The following ARL15 variants were observed in gnomAD, a reference collection of about 807,000 sequenced individuals.
The protein encoded by ARL15 is ARF like GTPase 15.
A neutral mutation model predicts 25.2 loss-of-function variants in ARL15; 19 were observed. The ratio of observed to expected loss-of-function variants is 0.75; its 90% confidence interval spans 0.53 to 1.10. The LOEUF (loss-of-function observed/expected upper bound fraction) is 1.10. Among genes scored for constraint, ARL15 ranks in the 50% least tolerant of loss-of-function variants. ARL15 has a pLI of 0.00. For synonymous variants in ARL15, 94 were observed against 86.8 expected (o/e 1.08, Z -0.46); for missense variants, 220 against 246.0 (o/e 0.89, Z 0.71).
intron 3 of ARL15, among the ~76,000 whole-genome samples, chr5:54,138,836 C>A (rs1013643923): frequency 3.9e-5 from 6 of 151,912 alleles, no homozygotes; most frequent in Non-Finnish European, 7.4e-5. Context: ...AAAAAACAAT[C>A]CTATCAAAAA....
rs1423550161 is a variant in ARL15, at chr5:54,221,863, ACAC to A, written c.49-49938_49-49936del. Among the ~76,000 whole-genome samples the A allele has an allele frequency of 5.8e-3, 868 of 149,184 alleles. 11 individuals carry two copies. The highest frequency in any genetic ancestry group is 0.02 in the African/African-American group (777 of 39,184). On this transcript the variant is annotated intron_variant, in intron 1 of 4. Coordinates refer to ENST00000504924, the MANE Select transcript of ARL15 (RefSeq NM_019087.3). ...CACACACACACACACACACACACACACACACACAAAACCCTCATGCACATGTGT... is the reference window on the plus strand; with the variant it reads ...CACACACACACACACACACACACACAACACAAAACCCTCATGCACATGTGT...
chr5:54,198,126 G>T (rs756878536), intron 1 of ARL15, among the ~76,000 whole-genome samples: 1 of 152,076 alleles, frequency 6.6e-6, no homozygotes, highest in Non-Finnish European at 1.5e-5. Context: ...CAATAAATTA[G>T]GTATTGATGG....
intron 4 of ARL15, among the ~76,000 whole-genome samples, chr5:53,901,454 G>A (rs760608335): frequency 6.6e-6 from 1 of 152,128 alleles, no homozygotes; most frequent in African/African-American, 2.4e-5. Flanking sequence ...GTTAATGAGT[G>A]AAAGCCCCAA....
intron 4 of ARL15, among the ~76,000 whole-genome samples, chr5:54,073,813 T>G (rs947632340): frequency 6.6e-6 from 1 of 152,150 alleles, no homozygotes; most frequent in African/African-American, 2.4e-5. Flanking sequence ...TACAATGGGA[T>G]GTATGGGCAG....
chr5:54,097,416 A>G (rs536023525), intron 4 of ARL15, among the ~76,000 whole-genome samples: 1 of 41,266 alleles, frequency 2.4e-5, no homozygotes, highest in African/African-American at 8.2e-5. Context: ...ACAAAGTTTT[A>G]GATTCTCTCT....
chr5:54,304,410 TATCTC>T (rs1180378031), intron 1 of ARL15, among the ~76,000 whole-genome samples: 1 of 152,190 alleles, frequency 6.6e-6, no homozygotes, highest in African/African-American at 2.4e-5. Flanking sequence ...CTCATATACT[TATCTC>T]CTCTCACCCC....
At chr5:54,210,537 C>G (rs972083692) in intron 1 of ARL15, among the ~76,000 whole-genome samples, 7 of 152,170 alleles carry the variant, frequency 4.6e-5, no homozygotes, top group Non-Finnish European at 8.8e-5. Flanking sequence ...AACCCAAATT[C>G]ACCCATAACA....
chr5:54,141,150 T>C (rs1393560630), intron 3 of ARL15, among the ~76,000 whole-genome samples: 1 of 152,180 alleles, frequency 6.6e-6, no homozygotes, highest in Non-Finnish European at 1.5e-5. Context: ...TCTGTCATTT[T>C]TTTTTATTAA....
intron 1 of ARL15, among the ~76,000 whole-genome samples, chr5:54,247,743 A>G (rs1757127706): frequency 6.6e-6 from 1 of 152,172 alleles, no homozygotes; most frequent in African/African-American, 2.4e-5. Context: ...TTAGCAACGT[A>G]TTTTTGATGT....
chr5:53,886,848 G>T, intron 4 of ARL15, 135 bp from the exon 5 acceptor site: 1 of 770,384 alleles, frequency 1.3e-6, no homozygotes, highest in South Asian at 1.8e-5. Flanking sequence ...ACTTTGCAAT[G>T]TGGATGCCTG....
intron 3 of ARL15, among the ~76,000 whole-genome samples, chr5:54,138,443 C>T (rs566186628): frequency 1.1e-4 from 16 of 152,238 alleles, no homozygotes; most frequent in Middle Eastern, 6.8e-3. Flanking sequence ...ATTTAATAAA[C>T]GGTGCTGGAA....
chr5:54,174,184 T>C (rs906669149), intron 1 of ARL15, among the ~76,000 whole-genome samples: 1 of 152,142 alleles, frequency 6.6e-6, no homozygotes, highest in African/African-American at 2.4e-5. Flanking sequence ...CAGCAGATAA[T>C]TGTTGAATGA....
intron 4 of ARL15, among the ~76,000 whole-genome samples, chr5:54,098,986 C>A (rs1752362132): frequency 6.6e-6 from 1 of 152,106 alleles, no homozygotes; most frequent in Non-Finnish European, 1.5e-5. Flanking sequence ...TTAAAATAAT[C>A]CGAGTAACCT....
chr5:54,236,958 T>A (rs1015327564), intron 1 of ARL15, among the ~76,000 whole-genome samples: 6 of 152,310 alleles, frequency 3.9e-5, no homozygotes, highest in Admixed American at 3.3e-4. Flanking sequence ...TACGACATCA[T>A]TGGAACATGA....
chr5:54,301,603 T>C (rs1193068982), intron 1 of ARL15, among the ~76,000 whole-genome samples: 1 of 152,232 alleles, frequency 6.6e-6, no homozygotes, highest in Non-Finnish European at 1.5e-5. Flanking sequence ...TAATTCATAA[T>C]TAGAAATAAA....
rs1052444966 is a variant in ARL15, at chr5:54,169,907, T to G, written c.193+1877A>C. Among the ~76,000 whole-genome samples, 8 of 152,108 alleles carry G rather than the reference T, an allele frequency of 5.3e-5. 1 individual carries two copies. The highest frequency in any genetic ancestry group is 1.7e-4 in the African/African-American group (7 of 41,418). ...GTCTCTACTCATTACAATCCCCTTA[T>G]CCTTTCCCTCATCCTAAAATCAAGC... On this transcript the variant is annotated intron_variant, in intron 2 of 4. Transcript: ENST00000504924.
At position 54,110,136 on chromosome 5, in the gene ARL15, T is replaced by C. The variant is rs145836893; in HGVS notation, c.462+3066A>G. ...TGTTGCCCTCTCTCTGTGGGTTACA[T>C]AGTAATTTTAACCATTGTCTTCATT... On this transcript the variant is annotated intron_variant, in intron 4 of 4. Coordinates refer to ENST00000504924, the MANE Select transcript of ARL15 (RefSeq NM_019087.3). 1.5e-3 allele frequency among the ~76,000 whole-genome samples: 221 copies of C among 152,142 alleles called. 1 individual carries two copies. The highest frequency in any genetic ancestry group is 5.1e-3 in the African/African-American group (212 of 41,582).
At chr5:53,926,944 T>TTG (rs1482607772) in intron 4 of ARL15, among the ~76,000 whole-genome samples, 2 of 151,636 alleles carry the variant, frequency 1.3e-5, no homozygotes, top group African/African-American at 4.8e-5. Flanking sequence ...CAAGACCTTT[T>TTG]TTTTTAAAAA....
In ARL15 at chr5:54,281,828, T is replaced by C. The variant is rs368393984; in HGVS notation, c.48+28604A>G. Among the ~76,000 whole-genome samples, 373 of 152,366 alleles carry C rather than the reference T, an allele frequency of 2.4e-3. 19 individuals are homozygous for C. The South Asian group carries it at 0.074, about 30-fold the overall frequency. Reference sequence around the variant, plus strand: ...CATGTATTTTCCCGTGACTTGTTTCTTACATTCAACATTGTTTGTGAGATA... The same window carrying C: ...CATGTATTTTCCCGTGACTTGTTTCCTACATTCAACATTGTTTGTGAGATA... On this transcript the variant is annotated intron_variant, in intron 1 of 4. Coordinates refer to ENST00000504924, the MANE Select transcript of ARL15 (RefSeq NM_019087.3).
Sources: gnomAD v4.1 joint callset for allele counts (sites outside exome capture counted in the v4.1 genomes callset) on GRCh38, gnomAD v4.1.1 for gene constraint, MANE v1.5 for transcripts, NCBI Gene and HGNC (gene_info 2026-07-23, HGNC 2026-07-21) for gene names.